Variants in ATP2B2 observed in about 807,000 individuals in gnomAD.
ATP2B2 encodes the protein plasma membrane calcium-transporting ATPase 2.
Under a neutral mutation model 120.0 loss-of-function variants are expected in ATP2B2, and 15 were observed. The observed-to-expected ratio is 0.12, with a 90% confidence interval of 0.08 to 0.19. The LOEUF (loss-of-function observed/expected upper bound fraction) is 0.19. Among genes scored for constraint, ATP2B2 ranks in the 10% least tolerant of loss-of-function variants. ATP2B2 has a pLI of 1.00. For synonymous variants in ATP2B2, 694 were observed against 700.3 expected, an observed-to-expected ratio of 0.99 and a Z score of 0.14; for missense variants, 1,045 against 1,719.8, an observed-to-expected ratio of 0.61 and a Z score of 6.94.
At chr3:10,387,445 GT>G (rs1016518864) in intron 6 of ATP2B2, among the ~76,000 whole-genome samples, 1 of 152,216 alleles carries the variant, frequency 6.6e-6, no homozygotes, top group African/African-American at 2.4e-5. Flanking sequence ...GGTTCTAGAA[GT>G]TCTGAATGTC....
chr3:10,575,691 C>T (rs2068228476), intron 2 of ATP2B2, among the ~76,000 whole-genome samples: 1 of 152,118 alleles, frequency 6.6e-6, no homozygotes, highest in African/African-American at 2.4e-5. Context: ...ATAAAAACAC[C>T]AATACCTGGA....
At chr3:10,655,192 C>T (rs1397240898) in intron 1 of ATP2B2, among the ~76,000 whole-genome samples, 1 of 152,224 alleles carries the variant, frequency 6.6e-6, no homozygotes, top group African/African-American at 2.4e-5. Context: ...GTCTCTCATT[C>T]ACTCTCAACT....
At chr3:10,508,251 T>C (rs1267309583), upstream of ATP2B2, among the ~76,000 whole-genome samples, 1 of 152,224 alleles carries the variant, frequency 6.6e-6, no homozygotes, top group Non-Finnish European at 1.5e-5. Flanking sequence ...TTTTTCCTTG[T>C]GGGTATACCC....
rs2063664090 is a variant in ATP2B2, at chr3:10,441,470, C to A, written c.199+7875G>T. The stretch of plus-strand genomic sequence containing the variant: ...GGCCAGGCTGGTCTCGAACTCCTGA[C>A]CTCAAGTGATCCACCTACCTTGGCC... On this transcript the variant is annotated intron_variant, in intron 2 of 22. Coordinates refer to ENST00000360273, the MANE Select transcript of ATP2B2 (RefSeq NM_001001331.4). Among the ~76,000 whole-genome samples the A allele has an allele frequency of 3.9e-5, 6 of 152,202 alleles. No homozygotes were observed. In the South Asian group the frequency reaches 1.2e-3, roughly 32 times the overall value.
In ATP2B2 at chr3:10,599,624, G is replaced by A. The variant is rs141000675; in HGVS notation, c.-415+20293C>T. Among the ~76,000 whole-genome samples, 31 of 152,222 alleles carry A rather than the reference G, an allele frequency of 2.0e-4. 1 individual carries two copies. Among genetic ancestry groups the A allele is most frequent in the African/African-American group, 5.5e-4 (23 of 41,548 alleles). ...TCCCAACTGGACAAGCTCCAGCAAC[G>A]TGGAGTTCACAGTGGACTTTGACAC... On this transcript the variant is annotated intron_variant, in intron 2 of 21. Coordinates refer to the ATP2B2 transcript ENST00000646379.
intron 2 of ATP2B2, among the ~76,000 whole-genome samples, chr3:10,575,326 T>C (rs2068220159): frequency 6.6e-6 from 1 of 152,080 alleles, no homozygotes; most frequent in South Asian, 2.1e-4. Context: ...TTATGCCCCA[T>C]TTTGCAGATG....
intron 2 of ATP2B2, among the ~76,000 whole-genome samples, chr3:10,420,714 A>G (rs1241031508): frequency 1.3e-5 from 2 of 152,186 alleles, no homozygotes; most frequent in Admixed American, 6.5e-5. Flanking sequence ...TGCCTGCCAT[A>G]CAGAGTTAAA....
At chr3:10,657,936 C>T (rs2070679554) in intron 1 of ATP2B2, among the ~76,000 whole-genome samples, 1 of 152,246 alleles carries the variant, frequency 6.6e-6, no homozygotes, top group South Asian at 2.1e-4. Flanking sequence ...ATATGCTGTT[C>T]AGCAATATTC....
chr3:10,413,992 TAC>T (rs983276956), intron 2 of ATP2B2, among the ~76,000 whole-genome samples: 1 of 152,182 alleles, frequency 6.6e-6, no homozygotes, highest in Non-Finnish European at 1.5e-5. Flanking sequence ...TTCTCTGAGC[TAC>T]AGTTTCCCCA....
intron 3 of ATP2B2, among the ~76,000 whole-genome samples, chr3:10,403,988 C>T (rs1211701632): frequency 6.6e-6 from 1 of 152,138 alleles, no homozygotes; most frequent in East Asian, 1.9e-4. Context: ...CAAGAGACCC[C>T]AGTGGAAGCT....
At chr3:10,615,720 C>T (rs1430053684) in intron 2 of ATP2B2, among the ~76,000 whole-genome samples, 1 of 152,080 alleles carries the variant, frequency 6.6e-6, no homozygotes, top group Non-Finnish European at 1.5e-5. Context: ...AAATCAAAAT[C>T]ACTTTGGAGT....
intron 1 of ATP2B2, among the ~76,000 whole-genome samples, chr3:10,451,016 C>T (rs2064026371): frequency 6.6e-6 from 1 of 152,192 alleles, no homozygotes. Context: ...ACCCCCTCCT[C>T]AGCTCCAACT....
chr3:10,370,477 G>A (rs73811899), intron 12 of ATP2B2, among the ~76,000 whole-genome samples: 2,681 of 152,354 alleles, frequency 0.018, 70 homozygotes, highest in African/African-American at 0.06. Context: ...TGGCATCACC[G>A]CCAGGGTTCT....
intron 1 of ATP2B2, among the ~76,000 whole-genome samples, chr3:10,484,635 C>T (rs2065561706): frequency 6.6e-6 from 1 of 152,180 alleles, no homozygotes; most frequent in Non-Finnish European, 1.5e-5. Context: ...CCTGTCCCTG[C>T]CCTGCCTCAC....
At chr3:10,592,492 G>T (rs2068666916) in intron 2 of ATP2B2, among the ~76,000 whole-genome samples, 2 of 152,210 alleles carry the variant, frequency 1.3e-5, no homozygotes, top group South Asian at 4.1e-4. Context: ...TTCCAGGCAT[G>T]CAAAGGCCCA....
intron 2 of ATP2B2, among the ~76,000 whole-genome samples, chr3:10,556,948 C>A (rs1205813146): frequency 1.3e-5 from 2 of 152,176 alleles, no homozygotes; most frequent in East Asian, 3.9e-4. Flanking sequence ...TGGTAGGCAG[C>A]TAAGTCAGGA....
intron 1 of ATP2B2, among the ~76,000 whole-genome samples, chr3:10,641,828 A>G (rs1366433290): frequency 6.6e-6 from 1 of 152,116 alleles, no homozygotes; most frequent in Non-Finnish European, 1.5e-5. Context: ...TGGTTGACTC[A>G]TCTACCCATC....
chr3:10,370,670 A>G (rs1366957122), intron 12 of ATP2B2, among the ~76,000 whole-genome samples: 2 of 152,060 alleles, frequency 1.3e-5, no homozygotes, highest in African/African-American at 2.4e-5. Context: ...TCTCTTCCCC[A>G]TTTCGATAAA....
At chr3:10,465,758 G>A (rs2064709853) in intron 1 of ATP2B2, among the ~76,000 whole-genome samples, 1 of 152,210 alleles carries the variant, frequency 6.6e-6, no homozygotes, top group African/African-American at 2.4e-5. Context: ...GGCCGGAGCT[G>A]CCACCTCTGT....
Sources: allele counts gnomAD v4.1 joint callset (sites outside exome capture counted in the v4.1 genomes callset), GRCh38; gene constraint gnomAD v4.1.1; transcripts MANE v1.5; gene names NCBI Gene and HGNC (gene_info 2026-07-23, HGNC 2026-07-21).